Variants in XRCC3 observed in about 807,000 individuals in gnomAD.
XRCC3 encodes the protein DNA repair protein XRCC3.
A neutral mutation model predicts 29.2 loss-of-function variants in XRCC3; 34 were observed. The ratio of observed to expected loss-of-function variants is 1.16; its 90% CI spans 0.88 to 1.55. XRCC3 has a LOEUF of 1.55. Ranked by LOEUF, XRCC3 falls within the 40% of genes most tolerant of loss-of-function variation. XRCC3 has a pLI of 0.00. For missense variants in XRCC3, 463 were observed against 467.6 expected, an observed-to-expected ratio of 0.99 and a Z score of 0.09; for synonymous variants, 223 against 211.3, an observed-to-expected ratio of 1.06 and a Z score of -0.48.
chr14:103,713,340 C>A (rs1217819811), intron 1 of XRCC3: 1 of 152,390 alleles, frequency 6.6e-6, no homozygotes, highest in Non-Finnish European at 1.5e-5. Context: ...CAGACACTGG[C>A]CTGGGAGCTC....
At chr14:103,702,955 C>A in intron 7 of XRCC3, 1 of 693,028 alleles carries the variant, frequency 1.4e-6, no homozygotes, top group Non-Finnish European at 2.4e-6. Flanking sequence ...GATGCTTTAG[C>A]CAGAATTCCC....
Position 103,699,010 on chromosome 14 carries a change from C to A in XRCC3, c.829G>T (p.Asp277Tyr), listed in dbSNP as rs936385251. ...CCAAGGGCTGGGGAAACACGTTCGT[C>A]CCAGAACCTGAGAAACAGGAAGCAG... ...GAAHGPLGFWDERVSPALGIT... is the reference protein window; with the variant it reads ...GAAHGPLGFWYERVSPALGIT... Residue 277 changes from aspartate to tyrosine, a missense_variant, in exon 10 of 10, where the codon GAC becomes TAC. By Grantham distance (160) the Asp-to-Tyr change is radical. Transcript: ENST00000555055. The A allele has an allele frequency of 6.3e-7, 1 of 1,587,386 alleles. No homozygotes were observed. Among genetic ancestry groups the A allele is most frequent in the Admixed American group, 1.8e-5 (1 of 56,586 alleles).
rs1327500818 is a variant in XRCC3 at position 103,699,132 on chromosome 14, C to T, written c.821+1G>A. On this transcript the variant is annotated splice_donor_variant, in intron 9 of 9. Coordinates refer to ENST00000555055, the MANE Select transcript of XRCC3 (RefSeq NM_005432.4). LOFTEE classifies it high-confidence loss of function. Reference sequence around the variant, plus strand: ...TGCACACACCACATGGCTGCACTCACCCCAGCGGCCCGTGTGCTGCGCCCT... The same window carrying T: ...TGCACACACCACATGGCTGCACTCATCCCAGCGGCCCGTGTGCTGCGCCCT... The T allele has an allele frequency of 6.4e-7, 1 of 1,572,214 alleles. No homozygotes were observed.
intron 8 of XRCC3, 69 bp downstream of exon 8, chr14:103,699,295 G>C: frequency 1.3e-6 from 2 of 1,545,516 alleles, no homozygotes; most frequent in Non-Finnish European, 1.7e-6. Context: ...CCCACCTCCA[G>C]ACCGGCTCTG....
Position 103,699,829 on chromosome 14 carries a change from G to C in XRCC3, c.562-253C>G, listed in dbSNP as rs143369430. 1,790 of 549,980 alleles carry C rather than the reference G, an allele frequency of 3.3e-3. 8 individuals are homozygous for C. The highest frequency in any genetic ancestry group is 6.9e-3 in the Middle Eastern group (14 of 2,024). 34.1% of individuals were successfully genotyped at this position (549,980 alleles called of 1,614,324 possible). A position where few individuals can be genotyped will look rare whatever the true frequency, so the allele number is the denominator to read the frequency against. On this transcript the variant is annotated intron_variant, in intron 7 of 9. Coordinates refer to ENST00000555055, the MANE Select transcript of XRCC3 (RefSeq NM_005432.4). ...GTCCTTCCTCTGGCCCCCCCAGGCAGTCACCCCTTGGCTGTGCCAACACCG... is the reference window on the plus strand; with the variant it reads ...GTCCTTCCTCTGGCCCCCCCAGGCACTCACCCCTTGGCTGTGCCAACACCG...
At chr14:103,706,731 GC>G in intron 6 of XRCC3, 1 of 522,308 alleles carries the variant, frequency 1.9e-6, no homozygotes, top group South Asian at 2.0e-5. Context: ...GCTGTGCTCA[GC>G]CAGCGACCCC....
At chr14:103,714,891 G>A (rs367965653) in intron 1 of XRCC3, among the ~76,000 whole-genome samples, 1 of 152,154 alleles carries the variant, frequency 6.6e-6, no homozygotes, top group East Asian at 1.9e-4. Flanking sequence ...TCACCATGTT[G>A]GCCAGGCTGG....
chr14:103,708,936 G>C, intron 4 of XRCC3: 1 of 442,988 alleles, frequency 2.3e-6, no homozygotes, highest in Non-Finnish European at 4.2e-6. Context: ...CCAGAAGACA[G>C]GGCTGGGCAG....
At chr14:103,699,951 C>A in intron 7 of XRCC3, 1 of 339,794 alleles carries the variant, frequency 2.9e-6, no homozygotes, top group Non-Finnish European at 5.7e-6. Context: ...CACAGGTCAG[C>A]AGCAACCAGC....
intron 4 of XRCC3, chr14:103,709,713 G>C (rs1426689050): frequency 2.0e-5 from 3 of 152,252 alleles, no homozygotes; most frequent in Non-Finnish European, 4.4e-5. Context: ...CGCTCCCCCT[G>C]GTAAGCCTCA....
At chr14:103,705,747 G>C (rs569905935) in intron 6 of XRCC3, 1 of 155,480 alleles carries the variant, frequency 6.4e-6, no homozygotes, top group African/African-American at 2.4e-5. Context: ...GTATCGGGGA[G>C]TGTGGGCTTC....
intron 1 of XRCC3, among the ~76,000 whole-genome samples, chr14:103,714,991 T>C (rs1178118766): frequency 4.6e-5 from 7 of 152,214 alleles, no homozygotes. Flanking sequence ...GCCTAAAGGA[T>C]TTTCTTTCCA....
intron 7 of XRCC3, 52 bp downstream of exon 7, chr14:103,703,121 T>G (rs1291877540): frequency 1.2e-5 from 19 of 1,545,564 alleles, no homozygotes; most frequent in Non-Finnish European, 1.6e-5. Context: ...CCTGCCCCAA[T>G]GGTCCTGAAT....
chr14:103,713,922 T>G (rs544357201), intron 1 of XRCC3: 1 of 152,210 alleles, frequency 6.6e-6, no homozygotes, highest in Admixed American at 6.5e-5. Flanking sequence ...GTGCAGATGC[T>G]TTGAGGCAAG....
intron 5 of XRCC3, 32 bp from the exon 6 acceptor site, chr14:103,707,247 C>A (rs748687702): frequency 8.8e-5 from 136 of 1,547,380 alleles, no homozygotes; most frequent in Non-Finnish European, 1.1e-4. Flanking sequence ...AGGCCTGACT[C>A]TCCTGGGCCT....
intron 6 of XRCC3, chr14:103,703,881 CCT>C (rs1156453102): frequency 5.7e-6 from 1 of 176,124 alleles, no homozygotes; most frequent in Non-Finnish European, 1.2e-5. Flanking sequence ...ACCCCTGACC[CCT>C]GTGCACTGCC....
chr14:103,699,417 T>G lies in XRCC3; in HGVS notation c.721A>C (p.Thr241Pro), dbSNP rs773686312. 1 of 1,612,588 alleles carries G rather than the reference T, an allele frequency of 6.2e-7. No individual in the cohort carries two copies. Among genetic ancestry groups the G allele is most frequent in the Non-Finnish European group, 8.5e-7 (1 of 1,179,836 alleles). The change falls in exon 8 of 10, where the codon ACG becomes CCG. Residue 241 changes from threonine (T) to proline (P), a missense_variant. Thr to Pro is a conservative substitution (Grantham distance 38). Coordinates refer to ENST00000555055, the MANE Select transcript of XRCC3 (RefSeq NM_005432.4). Reference sequence around the variant, plus strand: ...AAGGCACTGCTCAGCTCACGCAGCGTGGCCCCCAGGGACTGCAGATGCCTG... The same window carrying G: ...AAGGCACTGCTCAGCTCACGCAGCGGGGCCCCCAGGGACTGCAGATGCCTG... ...RARHLQSLGATLRELSSAFQS... is the reference protein window; with the variant it reads ...RARHLQSLGAPLRELSSAFQS...
chr14:103,706,359 G>GA (rs1567057933), intron 6 of XRCC3: 1 of 456,060 alleles, frequency 2.2e-6, no homozygotes, highest in Admixed American at 2.3e-5. Flanking sequence ...TGCCACCGAT[G>GA]AAAAAATACT....
At chr14:103,699,816 G>C in intron 7 of XRCC3, 7 of 563,098 alleles carry the variant, frequency 1.2e-5, no homozygotes, top group Admixed American at 2.8e-5. Flanking sequence ...CCTTCCTCTG[G>C]CCCCCCCAGG....
Sources: allele counts gnomAD v4.1 joint callset (sites outside exome capture counted in the v4.1 genomes callset), GRCh38; gene constraint gnomAD v4.1.1; transcripts MANE v1.5; gene names NCBI Gene and HGNC (gene_info 2026-07-23, HGNC 2026-07-21).